The following PRKCB variants were observed in gnomAD, a reference collection of about 807,000 sequenced individuals.
PRKCB encodes the protein protein kinase C beta type.
PRKCB carries 13 observed loss-of-function variants against 81.5 expected under a neutral mutation model. The ratio of observed to expected loss-of-function variants is 0.16; its 90% CI spans 0.10 to 0.25. The LOEUF (loss-of-function observed/expected upper bound fraction) is 0.25. PRKCB is among the 10% of genes least tolerant of loss of function. The pLI is 1.00. For missense variants in PRKCB, 509 were observed against 875.7 expected (o/e 0.58, Z 5.29); for synonymous variants, 335 against 321.4 (o/e 1.04, Z -0.45).
intron 7 of PRKCB, among the ~76,000 whole-genome samples, chr16:24,101,703 T>C (rs1202043837): frequency 1.3e-5 from 2 of 152,258 alleles, no homozygotes; most frequent in Non-Finnish European, 2.9e-5. Flanking sequence ...ATAGCTTTTC[T>C]ATGTCATATT....
rs1403282872 is a variant in PRKCB, at chr16:24,096,662, A to AT, written c.821+2365_821+2366insT. Among the ~76,000 whole-genome samples, 23 of 40,400 alleles carry AT rather than the reference A, an allele frequency of 5.7e-4. No homozygotes were observed. In the East Asian group the frequency reaches 6.2e-3, roughly 11 times the overall value. The allele number at this position is 40,400 out of a possible 152,430, so 26.5% of individuals were successfully genotyped here. On this transcript the variant is annotated intron_variant, in intron 7 of 16. Transcript: ENST00000643927. ...GCTCCCTTCCTATGGCAAAAAAAAAAAAAAATATATATATATATATATATA... is the reference window on the plus strand; with the variant it reads ...GCTCCCTTCCTATGGCAAAAAAAAAATAAAAATATATATATATATATATATA...
At chr16:24,103,296 C>T (rs571543709) in intron 7 of PRKCB, among the ~76,000 whole-genome samples, 2 of 152,276 alleles carry the variant, frequency 1.3e-5, no homozygotes, top group African/African-American at 4.8e-5. Context: ...TTCTAACATG[C>T]TTTAATTTAG....
intron 16 of PRKCB, among the ~76,000 whole-genome samples, chr16:24,200,855 G>A (rs1025495925): frequency 3.3e-5 from 5 of 152,088 alleles, no homozygotes; most frequent in Non-Finnish European, 5.9e-5. Context: ...GAACTTTGGC[G>A]GGGCAAGTCA....
chr16:23,974,236 G>A (rs938997602), intron 2 of PRKCB, among the ~76,000 whole-genome samples: 17 of 152,074 alleles, frequency 1.1e-4, no homozygotes, highest in Non-Finnish European at 2.9e-5. Context: ...AACTTGGCTT[G>A]GGGCATGTTC....
chr16:23,905,908 G>C (rs201681342), intron 2 of PRKCB, among the ~76,000 whole-genome samples: 1 of 38,678 alleles, frequency 2.6e-5, no homozygotes, highest in East Asian at 1.4e-3. Flanking sequence ...ACTCCTCTAA[G>C]GGTTTCCTAG....
At chr16:23,948,914 GA>G (rs1964238675) in intron 2 of PRKCB, among the ~76,000 whole-genome samples, 1 of 152,110 alleles carries the variant, frequency 6.6e-6, no homozygotes, top group African/African-American at 2.4e-5. Flanking sequence ...TGTGGGTGTG[GA>G]AAGGTCCTTG....
intron 2 of PRKCB, among the ~76,000 whole-genome samples, chr16:23,918,267 T>C (rs1963772807): frequency 6.6e-6 from 1 of 152,216 alleles, no homozygotes; most frequent in African/African-American, 2.4e-5. Context: ...TAATGGTCTG[T>C]CCTTCACAGA....
chr16:24,160,409 T>A (rs1967236642), intron 10 of PRKCB, among the ~76,000 whole-genome samples: 1 of 152,148 alleles, frequency 6.6e-6, no homozygotes, highest in African/African-American at 2.4e-5. Context: ...TGGCTCCTGC[T>A]CATTTTCTAG....
intron 2 of PRKCB, among the ~76,000 whole-genome samples, chr16:23,932,907 T>C (rs1963998588): frequency 6.6e-6 from 1 of 152,196 alleles, no homozygotes; most frequent in Admixed American, 6.5e-5. Context: ...AACTTTGTCA[T>C]GAAGGGAATG....
intron 2 of PRKCB, among the ~76,000 whole-genome samples, chr16:23,915,752 C>CT (rs1963728551): frequency 8.1e-6 from 1 of 123,392 alleles, no homozygotes; most frequent in African/African-American, 3.0e-5. Context: ...TTTAAAAATA[C>CT]TTTTTACAAT....
intron 5 of PRKCB, among the ~76,000 whole-genome samples, chr16:24,057,358 C>A (rs1238889840): frequency 6.6e-6 from 1 of 152,110 alleles, no homozygotes; most frequent in African/African-American, 2.4e-5. Flanking sequence ...CGCTAGGGAG[C>A]GATGGGATTT....
At chr16:24,071,116 G>T (rs1966102260) in intron 5 of PRKCB, among the ~76,000 whole-genome samples, 1 of 152,154 alleles carries the variant, frequency 6.6e-6, no homozygotes, top group Non-Finnish European at 1.5e-5. Flanking sequence ...GAGGATGTGA[G>T]TTAAGGACTT....
At chr16:24,083,164 A>G (rs1966270977) in intron 5 of PRKCB, among the ~76,000 whole-genome samples, 1 of 152,154 alleles carries the variant, frequency 6.6e-6, no homozygotes, top group Non-Finnish European at 1.5e-5. Context: ...TGGCTAAAAT[A>G]ATGATGATAA....
intron 2 of PRKCB, among the ~76,000 whole-genome samples, chr16:23,969,865 G>T (rs1000697364): frequency 6.6e-6 from 1 of 151,506 alleles, no homozygotes; most frequent in Admixed American, 6.6e-5. Flanking sequence ...TGATTGATAG[G>T]TGTGTGTGTG....
chr16:23,838,867 G>T (rs1035700207), intron 2 of PRKCB, among the ~76,000 whole-genome samples: 1 of 152,184 alleles, frequency 6.6e-6, no homozygotes, highest in Non-Finnish European at 1.5e-5. Context: ...CCACACCAGA[G>T]GACTCCTCAA....
intron 2 of PRKCB, among the ~76,000 whole-genome samples, chr16:23,873,327 C>T (rs1597220407): frequency 6.7e-6 from 1 of 149,160 alleles, no homozygotes; most frequent in Non-Finnish European, 1.5e-5. Flanking sequence ...GAGCCGAAAT[C>T]GTGCCATTGC....
At chr16:24,189,770 A>AG (rs1278810399) in intron 15 of PRKCB, among the ~76,000 whole-genome samples, 2 of 151,984 alleles carry the variant, frequency 1.3e-5, no homozygotes, top group African/African-American at 4.8e-5. Context: ...TTATCTTGCG[A>AG]GGGGGCAACA....
At chr16:23,982,048 T>C (rs1964731449) in intron 2 of PRKCB, among the ~76,000 whole-genome samples, 3 of 110,024 alleles carry the variant, frequency 2.7e-5, no homozygotes, top group Non-Finnish European at 1.9e-5. Context: ...ACCTTCCCCT[T>C]CCCTTTCCCT....
intron 3 of PRKCB, among the ~76,000 whole-genome samples, chr16:23,994,481 C>G (rs1228223084): frequency 1.3e-5 from 2 of 152,170 alleles, no homozygotes; most frequent in African/African-American, 4.8e-5. Context: ...AACAGCCAAC[C>G]AAGAGCAATA....
Sources: gnomAD v4.1 joint callset for allele counts (sites outside exome capture counted in the v4.1 genomes callset) on GRCh38, gnomAD v4.1.1 for gene constraint, MANE v1.5 for transcripts, NCBI Gene and HGNC (gene_info 2026-07-23, HGNC 2026-07-21) for gene names.